NCOA3: variants seen among roughly 807,000 people sequenced by gnomAD.
NCOA3 encodes CBP-interacting protein.
A neutral mutation model predicts 158.8 loss-of-function variants in NCOA3; 51 were observed. The observed-to-expected ratio is 0.32, with a 90% confidence interval of 0.26 to 0.41. The LOEUF (loss-of-function observed/expected upper bound fraction) is 0.41. Among genes scored for constraint, NCOA3 ranks in the 10% least tolerant of loss-of-function variants. The pLI, the probability that NCOA3 is intolerant of heterozygous loss-of-function variation, is 1.00. For missense variants in NCOA3, 1,510 were observed against 1,746.6 expected (o/e 0.86, Z 2.41); for synonymous variants, 537 against 592.4 (o/e 0.91, Z 1.36).
At chr20:47,558,248 T>TA (rs915358333) in intron 1 of NCOA3, among the ~76,000 whole-genome samples, 28 of 141,790 alleles carry the variant, frequency 2.0e-4, no homozygotes, top group African/African-American at 6.8e-4. Flanking sequence ...TTTTTTTTTT[T>TA]TTTTTTTTTT....
chr20:47,639,447 A>C (rs2086568421), intron 14 of NCOA3, 130 bp from the exon 15 acceptor site: 1 of 1,290,388 alleles, frequency 7.7e-7, no homozygotes, highest in Admixed American at 2.2e-5. Context: ...ACAGTTGGCC[A>C]GCCCTTTTCT....
intron 1 of NCOA3, among the ~76,000 whole-genome samples, chr20:47,564,490 C>A (rs1477202065): frequency 6.6e-6 from 1 of 151,876 alleles, no homozygotes; most frequent in Non-Finnish European, 1.5e-5. Context: ...CCTCAAGGAG[C>A]TTGCATCAAG....
Position 47,652,866 on chromosome 20 carries a change from T to C in NCOA3, c.4122-65T>C. On this transcript the variant is annotated intron_variant, in intron 21 of 22. Coordinates refer to ENST00000371998, the MANE Select transcript of NCOA3 (RefSeq NM_181659.3). ...TGTTTGACACAATTGTAGTAATTTC[T>C]GTGGGCATGCCCTTTGTCGCTAAAG... The C allele has an allele frequency of 2.6e-6, 4 of 1,550,464 alleles. No homozygotes were observed. In the South Asian group the frequency reaches 4.6e-5, roughly 18 times the overall value.
chr20:47,560,388 C>T (rs574014358), intron 1 of NCOA3, among the ~76,000 whole-genome samples: 2 of 152,254 alleles, frequency 1.3e-5, no homozygotes, highest in South Asian at 4.2e-4. Flanking sequence ...TGAGGACGTG[C>T]TTTCAAGTCA....
chr20:47,519,478 C>T (rs6125039), intron 1 of NCOA3, among the ~76,000 whole-genome samples: 2 of 151,964 alleles, frequency 1.3e-5, no homozygotes, highest in African/African-American at 2.4e-5. Context: ...GGTAATTTAC[C>T]TACATTAGAT....
chr20:47,532,110 T>TTCTGTGTGTGTGTGTGTG (rs3221450), intron 1 of NCOA3, among the ~76,000 whole-genome samples: 1 of 147,402 alleles, frequency 6.8e-6, no homozygotes, highest in African/African-American at 2.5e-5. Context: ...AGGGGGGGAC[T>TTCTGTGTGTGTGTGTGTG]TGTGTGTGTG....
intron 2 of NCOA3, among the ~76,000 whole-genome samples, chr20:47,604,976 C>T (rs2085920530): frequency 6.6e-6 from 1 of 152,162 alleles, no homozygotes; most frequent in South Asian, 2.1e-4. Flanking sequence ...AAGTGATTCT[C>T]CTGCCCTCAG....
At chr20:47,522,095 A>C (rs2084345325) in intron 1 of NCOA3, among the ~76,000 whole-genome samples, 1 of 130,938 alleles carries the variant, frequency 7.6e-6, no homozygotes, top group Non-Finnish European at 1.7e-5. Context: ...ACCATTGTAC[A>C]GATCTTTTTT....
chr20:47,599,262 A>G (rs191329971), intron 2 of NCOA3, among the ~76,000 whole-genome samples: 1 of 152,288 alleles, frequency 6.6e-6, no homozygotes, highest in East Asian at 1.9e-4. Context: ...AAAGAACTAG[A>G]TATTGTGTGA....
intron 1 of NCOA3, among the ~76,000 whole-genome samples, chr20:47,537,522 A>G (rs1435074045): frequency 6.6e-6 from 1 of 151,800 alleles, no homozygotes; most frequent in Non-Finnish European, 1.5e-5. Flanking sequence ...AAAATGTAAA[A>G]CTGCCAAATT....
At chr20:47,605,826 C>G (rs890874911) in intron 2 of NCOA3, among the ~76,000 whole-genome samples, 1 of 152,156 alleles carries the variant, frequency 6.6e-6, no homozygotes, top group Non-Finnish European at 1.5e-5. Context: ...ATATTTGGAG[C>G]AATGGGATAA....
At chr20:47,593,082 C>T (rs970517461) in intron 2 of NCOA3, among the ~76,000 whole-genome samples, 6 of 151,964 alleles carry the variant, frequency 3.9e-5, no homozygotes, top group African/African-American at 1.5e-4. Flanking sequence ...TACAGGCATC[C>T]GCCACCACAC....
intron 2 of NCOA3, among the ~76,000 whole-genome samples, chr20:47,601,331 C>T (rs2085858511): frequency 6.6e-6 from 1 of 152,186 alleles, no homozygotes; most frequent in African/African-American, 2.4e-5. Flanking sequence ...GCACCACTTC[C>T]GAATACCACA....
At chr20:47,517,532 C>T (rs2084255767) in intron 1 of NCOA3, among the ~76,000 whole-genome samples, 1 of 148,150 alleles carries the variant, frequency 6.7e-6, no homozygotes, top group African/African-American at 2.5e-5. Context: ...CTCACTACAA[C>T]CTCTGCCTTC....
chr20:47,590,859 C>T (rs2085622006), intron 2 of NCOA3, among the ~76,000 whole-genome samples: 1 of 152,076 alleles, frequency 6.6e-6, no homozygotes, highest in Admixed American at 6.6e-5. Flanking sequence ...CCTGTAGTCC[C>T]AGCACTTTGG....
At chr20:47,637,832 C>G (rs1038879087) in intron 13 of NCOA3, 49 bp downstream of exon 13, 1 of 1,511,100 alleles carries the variant, frequency 6.6e-7, no homozygotes, top group Non-Finnish European at 8.9e-7. Context: ...TGAAACTTTT[C>G]TGCATACCTG....
intron 10 of NCOA3, 48 bp downstream of exon 10, chr20:47,634,243 T>A: frequency 6.5e-7 from 1 of 1,542,784 alleles, no homozygotes. Context: ...AGCAGTGTTC[T>A]CAAAATGCTT....
chr20:47,533,104 C>CA (rs11344209), intron 1 of NCOA3, among the ~76,000 whole-genome samples: 490 of 39,572 alleles, frequency 0.012, 10 homozygotes, highest in East Asian at 0.024. Flanking sequence ...GACTCTGTCT[C>CA]AAAAAAAAAA....
rs557954275 is a variant in NCOA3 at position 47,605,158 on chromosome 20, G to A, written c.-19-17071G>A. Among the ~76,000 whole-genome samples, 13 of 152,352 alleles carry A rather than the reference G, an allele frequency of 8.5e-5. 1 individual carries two copies. The East Asian group carries it at 1.7e-3, about 20-fold the overall frequency. Reference sequence around the variant, plus strand: ...TGGGATAATAGGCGTGAGCCACCACGCCTGGCCCATTAGTTCACTTTTTAA... The same window carrying A: ...TGGGATAATAGGCGTGAGCCACCACACCTGGCCCATTAGTTCACTTTTTAA... On this transcript the variant is annotated intron_variant, in intron 2 of 22. Transcript: ENST00000371998.
Sources: allele counts gnomAD v4.1 joint callset (sites outside exome capture counted in the v4.1 genomes callset), GRCh38; gene constraint gnomAD v4.1.1; transcripts MANE v1.5; gene names NCBI Gene and HGNC (gene_info 2026-07-23, HGNC 2026-07-21).